LDLRAD4: variants seen among roughly 807,000 people sequenced by gnomAD.
The protein encoded by LDLRAD4 is low-density lipoprotein receptor class A domain-containing protein 4.
In LDLRAD4, 5 loss-of-function variants were observed where a neutral mutation model predicts 17.0. The observed-to-expected ratio is 0.29, with a 90% CI of 0.15 to 0.62. The LOEUF is 0.62. LDLRAD4 is among the 20% of genes least tolerant of loss of function. The pLI is 0.84. For synonymous variants in LDLRAD4, 168 were observed against 171.8 expected, an observed-to-expected ratio of 0.98 and a Z score of 0.17; for missense variants, 340 against 424.7, an observed-to-expected ratio of 0.80 and a Z score of 1.75.
intron 2 of LDLRAD4, among the ~76,000 whole-genome samples, chr18:13,414,591 T>A (rs2088697070): frequency 6.6e-6 from 1 of 152,260 alleles, no homozygotes; most frequent in Admixed American, 6.5e-5. Flanking sequence ...TTCTTACTTT[T>A]GCATTTCTGT....
chr18:13,339,748 A>G (rs894471705), intron 1 of LDLRAD4, among the ~76,000 whole-genome samples: 2 of 152,208 alleles, frequency 1.3e-5, no homozygotes, highest in Non-Finnish European at 2.9e-5. Context: ...CCTAGAGGTA[A>G]CCATTGTTAA....
chr18:13,489,189 T>C (rs1049743776), intron 3 of LDLRAD4: 2 of 148,916 alleles, frequency 1.3e-5, no homozygotes, highest in Non-Finnish European at 3.0e-5. Flanking sequence ...AGTTTCACTC[T>C]TGTTGCCCAG....
chr18:13,417,446 T>G (rs1393634904), intron 2 of LDLRAD4, among the ~76,000 whole-genome samples: 1 of 151,510 alleles, frequency 6.6e-6, no homozygotes, highest in South Asian at 2.1e-4. Flanking sequence ...TTTTTTTTTT[T>G]TTTTGAGACA....
chr18:13,586,592 G>T (rs1009146532), intron 3 of LDLRAD4, among the ~76,000 whole-genome samples: 1 of 151,646 alleles, frequency 6.6e-6, no homozygotes, highest in African/African-American at 2.4e-5. Flanking sequence ...TGACTTTAAG[G>T]CAAGTCAATC....
At chr18:13,421,159 C>G (rs1244122832) in intron 2 of LDLRAD4, 1 of 152,482 alleles carries the variant, frequency 6.6e-6, no homozygotes, top group African/African-American at 2.4e-5. Flanking sequence ...GCTGCCGGTT[C>G]CAGCCCTTGC....
At chr18:13,523,921 C>T (rs73954851) in intron 3 of LDLRAD4, among the ~76,000 whole-genome samples, 2,050 of 152,302 alleles carry the variant, frequency 0.013, 49 homozygotes, top group African/African-American at 0.047. Context: ...GATCAGGCCA[C>T]AGTCCATGAG....
intron 1 of LDLRAD4, among the ~76,000 whole-genome samples, chr18:13,381,076 G>GTTTTTTTTTTTTTTTTTT (rs759672017): frequency 7.8e-6 from 1 of 128,486 alleles, no homozygotes; most frequent in Non-Finnish European, 1.6e-5. Context: ...TTTCTCTTTA[G>GTTTTTTTTTTTTTTTTTT]TTTTTTTTTT....
intron 1 of LDLRAD4, among the ~76,000 whole-genome samples, chr18:13,291,907 A>T (rs1045658259): frequency 6.6e-6 from 1 of 152,182 alleles, no homozygotes; most frequent in Non-Finnish European, 1.5e-5. Context: ...TATGGCCCTG[A>T]AATCTGTTGG....
chr18:13,515,129 C>CG (rs1382659429), intron 3 of LDLRAD4: 4 of 152,168 alleles, frequency 2.6e-5, no homozygotes, highest in Non-Finnish European at 4.4e-5. Context: ...CAAATGTAAG[C>CG]GGTGGAGCAT....
At chr18:13,465,510 G>A (rs1287673274) in intron 3 of LDLRAD4, among the ~76,000 whole-genome samples, 1 of 152,238 alleles carries the variant, frequency 6.6e-6, no homozygotes, top group Non-Finnish European at 1.5e-5. Flanking sequence ...GGCTGCATGT[G>A]TTGAGCATTT....
intron 3 of LDLRAD4, chr18:13,491,390 C>T (rs1186665930): frequency 6.6e-6 from 1 of 152,186 alleles, no homozygotes; most frequent in Non-Finnish European, 1.5e-5. Flanking sequence ...GGGCCATGGG[C>T]CGGCACCTGT....
chr18:13,612,671 C>CA (rs774919273), intron 3 of LDLRAD4: 3 of 1,613,704 alleles, frequency 1.9e-6, no homozygotes, highest in Non-Finnish European at 2.5e-6. Flanking sequence ...GGGGCTGCGT[C>CA]ACAGTTGGAC....
At chr18:13,564,969 G>C (rs920427495) in intron 3 of LDLRAD4, 1 of 152,378 alleles carries the variant, frequency 6.6e-6, no homozygotes, top group Non-Finnish European at 1.5e-5. Context: ...TTTATAGTCA[G>C]AGTTGCCCCA....
chr18:13,469,976 A>G (rs576666909), intron 3 of LDLRAD4, among the ~76,000 whole-genome samples: 47 of 152,338 alleles, frequency 3.1e-4, no homozygotes, highest in African/African-American at 9.1e-4. Context: ...CATTTGTTAT[A>G]TATATTTTAC....
At chr18:13,357,469 G>T (rs535887134) in intron 1 of LDLRAD4, among the ~76,000 whole-genome samples, 1 of 152,138 alleles carries the variant, frequency 6.6e-6, no homozygotes, top group Non-Finnish European at 1.5e-5. Flanking sequence ...GGCTCTAGAG[G>T]TTCCTTCACC....
intron 3 of LDLRAD4, among the ~76,000 whole-genome samples, chr18:13,583,434 C>T (rs371549760): frequency 4.0e-5 from 6 of 151,794 alleles, no homozygotes; most frequent in East Asian, 3.9e-4. Flanking sequence ...GTGGTGGTCA[C>T]GGCACCAACT....
At chr18:13,569,571 T>C (rs2094656703) in intron 3 of LDLRAD4, among the ~76,000 whole-genome samples, 1 of 152,218 alleles carries the variant, frequency 6.6e-6, no homozygotes, top group South Asian at 2.1e-4. Flanking sequence ...TAGAAACGAA[T>C]GATTGTACCA....
At chr18:13,468,149 T>C (rs545308707) in intron 3 of LDLRAD4, among the ~76,000 whole-genome samples, 2 of 152,208 alleles carry the variant, frequency 1.3e-5, no homozygotes, top group East Asian at 3.9e-4. Context: ...TTTGACTTTA[T>C]CAAAATGAAA....
chr18:13,482,162 G>A (rs1600705703), intron 3 of LDLRAD4, among the ~76,000 whole-genome samples: 2 of 152,136 alleles, frequency 1.3e-5, no homozygotes, highest in East Asian at 3.9e-4. Context: ...TGAGGGCTGG[G>A]GGCCTGCAGA....
Sources: gnomAD v4.1 joint callset for allele counts (sites outside exome capture counted in the v4.1 genomes callset) on GRCh38, gnomAD v4.1.1 for gene constraint, MANE v1.5 for transcripts, NCBI Gene and HGNC (gene_info 2026-07-23, HGNC 2026-07-21) for gene names.